The following ABCA13 variants were observed in gnomAD, a reference collection of about 807,000 sequenced individuals.
ABCA13 encodes the protein ATP binding cassette subfamily A member 13, also known as ATP-binding cassette sub-family A member 13.
ABCA13 carries 476 observed loss-of-function variants against 478.7 expected under a neutral mutation model. The ratio of observed to expected loss-of-function variants is 0.99; its 90% CI spans 0.92 to 1.07. The LOEUF is 1.07. ABCA13 is among the 50% of genes least tolerant of loss of function. ABCA13 has a pLI of 0.00. For missense variants in ABCA13, 6,060 were observed against 5,910.6 expected (o/e 1.03, Z -0.83); for synonymous variants, 2,252 against 2,158.9 (o/e 1.04, Z -1.20).
rs1789291398 is a variant in ABCA13 at position 48,587,394 on chromosome 7, CT to C, written c.14640+107del. On this transcript the variant is annotated intron_variant, in intron 57 of 61. Transcript: ENST00000435803. ...GGAAGTAACTTCAGAACTTGCAAAGCTGGTTCTACAAACTAGTAAACTGTTT... is the reference window on the plus strand; with the variant it reads ...GGAAGTAACTTCAGAACTTGCAAAGCGGTTCTACAAACTAGTAAACTGTTT... 1.4e-5 allele frequency: 18 copies of C among 1,315,624 alleles called. No individual in the cohort carries two copies. In the South Asian group the frequency reaches 3.2e-4, roughly 23 times the overall value. 81.5% of individuals were successfully genotyped at this position (1,315,624 alleles called of 1,614,324 possible). A position where few individuals can be genotyped will look rare whatever the true frequency, so the allele number is the denominator to read the frequency against.
At chr7:48,451,993 C>A (rs749405762) in intron 42 of ABCA13, among the ~76,000 whole-genome samples, 1 of 152,118 alleles carries the variant, frequency 6.6e-6, no homozygotes, top group African/African-American at 2.4e-5. Context: ...ATTATTCATG[C>A]GAATACTTTC....
chr7:48,219,475 AGACTTTGGGTAG>A lies in ABCA13; in HGVS notation c.410_421del (p.Arg137_Glu141delinsLys), dbSNP rs775345564. The A allele has an allele frequency of 5.6e-5, 91 of 1,613,244 alleles. No individual in the cohort carries two copies. The highest frequency in any genetic ancestry group is 3.5e-4 in the Admixed American group (21 of 59,898). On this transcript the variant is annotated inframe_deletion, in exon 4 of 62. Transcript: ENST00000435803. ...GATGGACAAGGCAAAAAACTTAAAA[AGACTTTGGGTAG>A]AACGATCCAACACTCCAGGCAAGTA... is the stretch of plus-strand genomic sequence containing the variant.
chr7:48,303,491 C>G (rs1309245445), intron 23 of ABCA13, among the ~76,000 whole-genome samples: 2 of 152,060 alleles, frequency 1.3e-5, no homozygotes, highest in Admixed American at 1.3e-4. Flanking sequence ...AATCTTTAAC[C>G]CATCTTGAGT....
intron 58 of ABCA13, among the ~76,000 whole-genome samples, chr7:48,596,540 G>A (rs1048457455): frequency 1.3e-5 from 2 of 152,280 alleles, no homozygotes; most frequent in African/African-American, 2.4e-5. Context: ...GCTAGGTGCC[G>A]TGGCTCATGC....
intron 2 of ABCA13, 26 bp from the exon 3 acceptor site, chr7:48,198,211 C>A (rs762415185): frequency 1.0e-5 from 16 of 1,605,608 alleles, no homozygotes; most frequent in Middle Eastern, 3.3e-4. Flanking sequence ...TATACGGACT[C>A]ATTTCTTCTT....
chr7:48,292,615 C>T (rs920426627), intron 20 of ABCA13, among the ~76,000 whole-genome samples: 1 of 152,240 alleles, frequency 6.6e-6, no homozygotes, highest in African/African-American at 2.4e-5. Flanking sequence ...ACTCTCTTCT[C>T]CACCTCGCTG....
chr7:48,597,017 TCTTGGCTCA>T (rs1343268343), intron 58 of ABCA13, among the ~76,000 whole-genome samples: 3 of 151,398 alleles, frequency 2.0e-5, no homozygotes, highest in Non-Finnish European at 4.4e-5. Context: ...AGTGGCACGA[TCTTGGCTCA>T]CTGCAAGCTC....
At position 48,218,495 on chromosome 7, in the gene ABCA13, C is replaced by T. The variant is rs959249571; in HGVS notation, c.288-859C>T. ...GCCAGGAGTTCAAGATGAGCCTGGG[C>T]GATATAGCAAGATCCTCTCTCTACA... On this transcript the variant is annotated intron_variant, in intron 3 of 61. Coordinates refer to ENST00000435803, the MANE Select transcript of ABCA13 (RefSeq NM_152701.5). 5.9e-5 allele frequency among the ~76,000 whole-genome samples: 9 copies of T among 151,800 alleles called. No individual in the cohort carries two copies. The East Asian group carries it at 7.7e-4, about 13-fold the overall frequency.
At chr7:48,356,693 T>C (rs967726809) in intron 31 of ABCA13, among the ~76,000 whole-genome samples, 4 of 151,972 alleles carry the variant, frequency 2.6e-5, no homozygotes, top group African/African-American at 4.9e-5. Context: ...AAGGCATGCA[T>C]TGGAAAATGT....
chr7:48,587,979 A>G (rs139942216), intron 57 of ABCA13, among the ~76,000 whole-genome samples: 144 of 152,352 alleles, frequency 9.5e-4, no homozygotes, highest in African/African-American at 3.3e-3. Flanking sequence ...TAATCAGTAG[A>G]GTGCATCTTT....
At chr7:48,221,223 A>C in intron 4 of ABCA13, 58 bp from the exon 5 acceptor site, 1 of 886,532 alleles carries the variant, frequency 1.1e-6, no homozygotes, top group Non-Finnish European at 1.8e-6. Flanking sequence ...GTAGGCATTT[A>C]GCATGTGCTT....
intron 38 of ABCA13, among the ~76,000 whole-genome samples, chr7:48,392,823 A>C (rs1294094027): frequency 2.0e-5 from 3 of 152,168 alleles, no homozygotes; most frequent in African/African-American, 7.2e-5. Flanking sequence ...TTTGAAGACT[A>C]TTCAAATTTA....
intron 42 of ABCA13, among the ~76,000 whole-genome samples, chr7:48,430,909 T>C (rs1270542089): frequency 6.6e-6 from 1 of 152,190 alleles, no homozygotes; most frequent in African/African-American, 2.4e-5. Flanking sequence ...TGCTCTGTTT[T>C]TCCAGTGTCT....
rs1186908356 is a variant in ABCA13, at chr7:48,412,434, C to T, written c.12310C>T (p.Leu4104Phe). The change falls in exon 41 of 62, where the codon CTC (leucine) becomes TTC (phenylalanine). Residue 4104 changes from leucine (L) to phenylalanine (F), a missense_variant. By Grantham distance (22) the Leu-to-Phe change is conservative. Transcript: ENST00000435803. ...AAAGATCTATATTCCACAAGCATTT[C>T]TCAAAGACAGCAGTGGAAGTGAGCT... The part of the protein sequence containing the change: ...LIKIYIPQAF[L>F]KDSSGSELTY... 1.2e-6 allele frequency: 2 copies of T among 1,613,176 alleles called. No homozygotes were observed. The highest frequency in any genetic ancestry group is 2.7e-5 in the African/African-American group (2 of 74,646).
At chr7:48,190,618 A>C (rs1314607170) in intron 1 of ABCA13, among the ~76,000 whole-genome samples, 1 of 152,188 alleles carries the variant, frequency 6.6e-6, no homozygotes, top group Non-Finnish European at 1.5e-5. Context: ...TAAAAGAAAA[A>C]CAACCTCATG....
intron 55 of ABCA13, among the ~76,000 whole-genome samples, chr7:48,539,544 G>C (rs576192211): frequency 6.6e-6 from 1 of 152,250 alleles, no homozygotes; most frequent in African/African-American, 2.4e-5. Context: ...TTGGTTTTCA[G>C]CTGTCCTCAG....
At position 48,288,056 on chromosome 7, in the gene ABCA13, C is replaced by G. The variant is rs1436571756; in HGVS notation, c.8933C>G (p.Thr2978Ser). The change falls in exon 20 of 62, where the codon ACT (threonine) becomes AGT (serine). Residue 2978 changes from threonine (T) to serine (S), a missense_variant. This residue lies in a region of ABCA13 where 4,423 missense variants were observed against 4,309.1 expected (regional missense o/e 1.03). Transcript: ENST00000435803. ...ATTTTATCTGCTATACAAGGGGTCA[C>G]TTTGGCGCAGGACCACTTCCAGGTT... ...HLILSAIQGV[T>S]LAQDHFQEIE... 6.2e-7 allele frequency: 1 copy of G among 1,613,854 alleles called. No homozygotes were observed. The highest frequency in any genetic ancestry group is 2.2e-5 in the East Asian group (1 of 44,896).
At chr7:48,220,416 A>T (rs1423983896) in intron 4 of ABCA13, among the ~76,000 whole-genome samples, 1 of 152,238 alleles carries the variant, frequency 6.6e-6, no homozygotes, top group Non-Finnish European at 1.5e-5. Context: ...TCTATTTTAA[A>T]TTTGCTAAAT....
intron 59 of ABCA13, among the ~76,000 whole-genome samples, chr7:48,615,886 C>A (rs1206138926): frequency 6.6e-6 from 1 of 152,098 alleles, no homozygotes; most frequent in East Asian, 1.9e-4. Context: ...AGACTTCTTT[C>A]CTGTGCTCAT....
Sources: gnomAD v4.1 joint callset for allele counts (sites outside exome capture counted in the v4.1 genomes callset) on GRCh38, gnomAD v4.1.1 for gene constraint, gnomAD v4.1.1 regional missense constraint, MANE v1.5 for transcripts, NCBI Gene and HGNC (gene_info 2026-07-23, HGNC 2026-07-21) for gene names.